The following NCOA5 variants were observed in gnomAD, a reference collection of about 807,000 sequenced individuals.
NCOA5 encodes the protein NCoA-5.
A neutral mutation model predicts 59.0 loss-of-function variants in NCOA5; 12 were observed. The observed-to-expected ratio is 0.20, with a 90% CI of 0.13 to 0.33. The LOEUF (loss-of-function observed/expected upper bound fraction) is 0.33, where lower values mean the gene tolerates loss of function less well. Among genes scored for constraint, NCOA5 ranks in the 10% least tolerant of loss-of-function variants. The pLI is 1.00. For missense variants in NCOA5, 655 were observed against 766.6 expected (o/e 0.85, Z 1.72); for synonymous variants, 270 against 275.5 (o/e 0.98, Z 0.20).
At chr20:46,063,234 C>T in intron 7 of NCOA5, 126 bp downstream of exon 7, 1 of 939,896 alleles carries the variant, frequency 1.1e-6, no homozygotes, top group African/African-American at 1.7e-5. Context: ...ACGGGAGAAC[C>T]CAAGGGATGG....
chr20:46,086,719 T>C (rs2085049126), intron 1 of NCOA5, among the ~76,000 whole-genome samples: 1 of 152,318 alleles, frequency 6.6e-6, no homozygotes, highest in Non-Finnish European at 1.5e-5. Context: ...AAAGCAGCTG[T>C]CTTAAAGATA....
rs139911928 is a variant in NCOA5, at chr20:46,070,424, T to C, written c.151A>G (p.Ser51Gly). ...DGRNGRDARD[S>G]RDIRDPRDLR... ...TCTCGGGGGTCTCGAATGTCTCTGC[T>C]GTCCCGGGCATCCCGGCCATTTCTG... The change falls in exon 3 of 8, where the codon AGC becomes GGC. Residue 51 changes from serine (S) to glycine (G), a missense_variant. Transcript: ENST00000290231. 8.1e-6 allele frequency: 13 copies of C among 1,613,872 alleles called. No individual in the cohort carries two copies. Among genetic ancestry groups the C allele is most frequent in the Non-Finnish European group, 9.3e-6 (11 of 1,179,974 alleles).
At chr20:46,074,814 A>G (rs1296889278) in intron 2 of NCOA5, among the ~76,000 whole-genome samples, 1 of 152,226 alleles carries the variant, frequency 6.6e-6, no homozygotes, top group African/African-American at 2.4e-5. Flanking sequence ...CTCTTTGGCA[A>G]GAGACTGAAA....
chr20:46,087,425 TA>T (rs1404532288), intron 1 of NCOA5, among the ~76,000 whole-genome samples: 8 of 152,346 alleles, frequency 5.3e-5, no homozygotes, highest in Admixed American at 5.2e-4. Flanking sequence ...TTCAAACCAA[TA>T]AATCTTTTCT....
In NCOA5 at chr20:46,062,136, A is replaced by C. The variant is rs926808959; in HGVS notation, c.*164T>G. 3 of 593,090 alleles carry C rather than the reference A, an allele frequency of 5.1e-6. No homozygotes were observed. In the African/African-American group the frequency reaches 5.6e-5, roughly 11 times the overall value. The allele number at this position is 593,090 out of a possible 1,614,324, so 36.7% of individuals were successfully genotyped here. A position where few individuals can be genotyped will look rare whatever the true frequency, so the allele number is the denominator to read the frequency against. The stretch of plus-strand genomic sequence containing the variant: ...TGCAGTATAAACTTTGTAAGGAATA[A>C]GCAACACAGCCTTGGGCAGAAGAGA... On this transcript the variant is annotated 3_prime_UTR_variant, in exon 8 of 8. Transcript: ENST00000290231.
chr20:46,062,387 GCCA>G lies in NCOA5; in HGVS notation c.1650_1652del (p.Gly551del). 1.9e-6 allele frequency: 3 copies of G among 1,614,164 alleles called. No homozygotes were observed. The highest frequency in any genetic ancestry group is 2.5e-6 in the Non-Finnish European group (3 of 1,180,024). Reference sequence around the variant, plus strand: ...GGCTAACCAGGTGGGAGAGAGCAGGGCCACTCTGGATCAGGGTATCCAGAGCCT... The same window carrying G: ...GGCTAACCAGGTGGGAGAGAGCAGGGCTCTGGATCAGGGTATCCAGAGCCT... On this transcript the variant is annotated inframe_deletion, in exon 8 of 8. Transcript: ENST00000290231.
At chr20:46,064,937 A>G (rs2084805234) in intron 6 of NCOA5, 92 bp downstream of exon 6, 4 of 1,241,902 alleles carry the variant, frequency 3.2e-6, no homozygotes, top group Non-Finnish European at 4.7e-6. Flanking sequence ...ACTGAGATAT[A>G]AGAGTCATTT....
chr20:46,063,372 C>A lies in NCOA5; in HGVS notation c.1138G>T (p.Asp380Tyr). The change falls in exon 7 of 8, where the codon GAC (aspartate) becomes TAC (tyrosine). Residue 380 changes from aspartate to tyrosine, a missense_variant. By Grantham distance (160) the Asp-to-Tyr change is radical. Transcript: ENST00000290231. ...RKERLMRSST[D>Y]SLPGPISRQP... ...CCACGTAGCTCACCAGGCAGAGAGT[C>A]GGTGCTGCTCCTCATCAGCCGCTCC... is the stretch of plus-strand genomic sequence containing the variant. 1 of 1,612,650 alleles carries A rather than the reference C, an allele frequency of 6.2e-7. No homozygotes were observed. Among genetic ancestry groups the A allele is most frequent in the South Asian group, 1.1e-5 (1 of 91,044 alleles).
At position 46,068,544 on chromosome 20, in the gene NCOA5, C is replaced by T. The variant is rs1438876454; in HGVS notation, c.460G>A (p.Gly154Arg). The change falls in exon 4 of 8, where the codon GGA becomes AGA. Residue 154 changes from glycine (G) to arginine (R), a missense_variant. Gly to Arg is a moderately radical substitution (Grantham distance 125). Transcript: ENST00000290231. ...YFDRYRDSFD[G>R]RGPPGPESQS... ...CTTTCTGGGCCTGGAGGGCCCCGTC[C>T]ATCAAAGCTATCTCTGTAACGGTCA... 9 of 1,613,532 alleles carry T rather than the reference C, an allele frequency of 5.6e-6. No homozygotes were observed. The highest frequency in any genetic ancestry group is 4.0e-5 in the African/African-American group (3 of 74,908).
intron 4 of NCOA5, among the ~76,000 whole-genome samples, chr20:46,068,151 C>T (rs1436292482): frequency 6.6e-6 from 1 of 152,104 alleles, no homozygotes; most frequent in Non-Finnish European, 1.5e-5. Flanking sequence ...TTAAGCTGGT[C>T]TTGAACTCCT....
chr20:46,063,400 C>T lies in NCOA5; in HGVS notation c.1110G>A (p.Arg370=). ...TGCTGCTCCTCATCAGCCGCTCCTT[C>T]CGCTCTCGCAGGTAGTTGATGATCT... is the stretch of plus-strand genomic sequence containing the variant. The part of the protein sequence containing the change: ...TDKIINYLRE[R]KERLMRSSTD... The change falls in exon 7 of 8, where the codon CGG becomes CGA. Residue 370 remains arginine (R), a synonymous_variant. Transcript: ENST00000290231. 2 of 1,613,900 alleles carry T rather than the reference C, an allele frequency of 1.2e-6. No homozygotes were observed. The highest frequency in any genetic ancestry group is 1.1e-5 in the South Asian group (1 of 91,068).
chr20:46,089,762 G>A (rs1178038153), intron 1 of NCOA5, 55 bp downstream of exon 1: 2 of 152,012 alleles, frequency 1.3e-5, no homozygotes, highest in African/African-American at 4.8e-5. Flanking sequence ...CCCCCACAAC[G>A]GCCTGCCCGT....
chr20:46,065,361 T>A lies in NCOA5; in HGVS notation c.630-133A>T, dbSNP rs564277696. 18 of 807,906 alleles carry A rather than the reference T, an allele frequency of 2.2e-5. No homozygotes were observed. The African/African-American group carries it at 2.7e-4, about 12-fold the overall frequency. The allele number at this position is 807,906 out of a possible 1,614,324, so 50.0% of individuals were successfully genotyped here. ...CAGTACCGTATTCAGGATCCAAGTA[T>A]CTAGACCAATACTCTCTCTCTACCC... On this transcript the variant is annotated intron_variant, in intron 5 of 7. Transcript: ENST00000290231.
chr20:46,067,116 T>G lies in NCOA5; in HGVS notation c.568A>C (p.Arg190=), dbSNP rs1191583206. ...ACGGGCCTTTCGGCATCAAAGCGTC[T>G]CTGGATTTCCTCAAAATATTGACGA... is the stretch of plus-strand genomic sequence containing the variant. ...LYRQYFEEIQ[R]RFDAERPVDC... is the part of the protein sequence containing the mutation. The change falls in exon 5 of 8, where the codon AGA becomes CGA. Residue 190 remains arginine (R), a synonymous_variant. Coordinates refer to ENST00000290231, the MANE Select transcript of NCOA5 (RefSeq NM_020967.3). 6.2e-7 allele frequency: 1 copy of G among 1,614,086 alleles called. No homozygotes were observed. The highest frequency in any genetic ancestry group is 1.3e-5 in the African/African-American group (1 of 74,928).
intron 1 of NCOA5, among the ~76,000 whole-genome samples, chr20:46,084,129 GT>G (rs1379999659): frequency 6.6e-6 from 1 of 152,170 alleles, no homozygotes; most frequent in Non-Finnish European, 1.5e-5. Flanking sequence ...AGAACATTAT[GT>G]GTATTATTTC....
intron 2 of NCOA5, among the ~76,000 whole-genome samples, chr20:46,071,860 T>C (rs1161644831): frequency 3.3e-5 from 5 of 152,250 alleles, no homozygotes; most frequent in Non-Finnish European, 7.3e-5. Context: ...GGGCACTTTC[T>C]ATCTGTATTA....
rs1289191329 is a variant in NCOA5, at chr20:46,062,803, C to T, written c.1237G>A (p.Val413Met). The change falls in exon 8 of 8, where the codon GTG (valine) becomes ATG (methionine). Residue 413 changes from valine to methionine, a missense_variant. Val to Met is a conservative substitution (Grantham distance 21). This residue lies in a region of NCOA5 where 325 missense variants were observed against 353.2 expected (regional missense o/e 0.92). Transcript: ENST00000290231. ...PSSQPLQSGQ[V>M]LPSATPTPSA... Reference sequence around the variant, plus strand: ...GGAGTGGGTGTAGCAGAGGGGAGCACTTGGCCGCTCTGGAGCGGTTGGGAG... The same window carrying T: ...GGAGTGGGTGTAGCAGAGGGGAGCATTTGGCCGCTCTGGAGCGGTTGGGAG... The T allele has an allele frequency of 1.9e-6, 3 of 1,572,560 alleles. No homozygotes were observed. The highest frequency in any genetic ancestry group is 1.4e-5 in the African/African-American group (1 of 74,014).
At chr20:46,081,915 A>C (rs909637813) in intron 1 of NCOA5, among the ~76,000 whole-genome samples, 1 of 152,120 alleles carries the variant, frequency 6.6e-6, no homozygotes, top group African/African-American at 2.4e-5. Flanking sequence ...TGCACATAGA[A>C]CTTTTGGGAA....
intron 1 of NCOA5, among the ~76,000 whole-genome samples, chr20:46,087,696 C>T (rs575493669): frequency 4.7e-4 from 72 of 152,262 alleles, no homozygotes; most frequent in Non-Finnish European, 7.5e-4. Flanking sequence ...GGGCCAAGAT[C>T]GCACCACTGC....
Sources: gnomAD v4.1 joint callset for allele counts (sites outside exome capture counted in the v4.1 genomes callset) on GRCh38, gnomAD v4.1.1 for gene constraint, gnomAD v4.1.1 regional missense constraint, MANE v1.5 for transcripts, NCBI Gene and HGNC (gene_info 2026-07-23, HGNC 2026-07-21) for gene names.